Variants in THSD4 observed in about 807,000 individuals in gnomAD.
THSD4 encodes the protein thrombospondin type 1 domain containing 4, also known as thrombospondin type-1 domain-containing protein 4.
A neutral mutation model predicts 119.0 loss-of-function variants in THSD4; 69 were observed. That is an observed-to-expected ratio of 0.58 (90% confidence interval 0.48 to 0.71). The LOEUF is 0.71. THSD4 is among the 30% of genes least tolerant of loss of function. THSD4 has a pLI of 0.00. For synonymous variants in THSD4, 524 were observed against 540.4 expected, an observed-to-expected ratio of 0.97 and a Z score of 0.42; for missense variants, 1,393 against 1,391.1, an observed-to-expected ratio of 1.00 and a Z score of -0.02.
intron 5 of THSD4, among the ~76,000 whole-genome samples, chr15:71,247,975 T>A (rs1012136022): frequency 6.6e-6 from 1 of 152,132 alleles, no homozygotes; most frequent in Non-Finnish European, 1.5e-5. Context: ...CAACAACCCT[T>A]TTCTGGCCAG....
chr15:71,282,135 G>A (rs2044660145), intron 6 of THSD4, among the ~76,000 whole-genome samples: 1 of 152,168 alleles, frequency 6.6e-6, no homozygotes, highest in Non-Finnish European at 1.5e-5. Flanking sequence ...CCAAAGATGA[G>A]GTCAGCTAAC....
At chr15:71,685,368 A>G (rs974573546) in intron 8 of THSD4, among the ~76,000 whole-genome samples, 1 of 152,112 alleles carries the variant, frequency 6.6e-6, no homozygotes, top group Non-Finnish European at 1.5e-5. Flanking sequence ...TTTATTCGTT[A>G]ATATTTACAG....
intron 7 of THSD4, among the ~76,000 whole-genome samples, chr15:71,584,206 A>G (rs1377942111): frequency 7.5e-5 from 11 of 146,186 alleles, no homozygotes; most frequent in Admixed American, 7.5e-4. Context: ...TATTTTAAGT[A>G]TAGTCACCTC....
chr15:71,687,861 G>A (rs934594739), intron 8 of THSD4, among the ~76,000 whole-genome samples: 7 of 151,762 alleles, frequency 4.6e-5, no homozygotes, highest in Non-Finnish European at 1.0e-4. Flanking sequence ...CTAATGCAAA[G>A]TATGCCAATA....
chr15:71,128,318 G>C (rs2040472479), intron 1 of THSD4, among the ~76,000 whole-genome samples: 2 of 152,052 alleles, frequency 1.3e-5, no homozygotes, highest in Non-Finnish European at 2.9e-5. Context: ...CCTGAGGTCA[G>C]GAGTTTGAGA....
intron 6 of THSD4, among the ~76,000 whole-genome samples, chr15:71,266,431 G>A (rs1261619909): frequency 1.3e-5 from 2 of 152,018 alleles, no homozygotes; most frequent in Non-Finnish European, 2.9e-5. Flanking sequence ...CAAAAAGGAC[G>A]TCCACGCAAA....
intron 7 of THSD4, among the ~76,000 whole-genome samples, chr15:71,492,472 G>A (rs913529612): frequency 6.6e-6 from 1 of 151,846 alleles, no homozygotes; most frequent in Non-Finnish European, 1.5e-5. Context: ...TTTAATAGAG[G>A]GGGGGAGTTT....
chr15:71,442,554 G>T (rs2047112615), intron 7 of THSD4, among the ~76,000 whole-genome samples: 2 of 94,632 alleles, frequency 2.1e-5, no homozygotes, highest in African/African-American at 4.1e-5. Context: ...GGGCAACAGA[G>T]CAAAACTCCA....
intron 7 of THSD4, among the ~76,000 whole-genome samples, chr15:71,436,393 A>T (rs1205000364): frequency 6.6e-6 from 1 of 152,260 alleles, no homozygotes; most frequent in Non-Finnish European, 1.5e-5. Flanking sequence ...AATGCTAGTC[A>T]AACAAGTGCT....
chr15:71,632,220 A>AAAATCTGAC (rs2050644989), intron 7 of THSD4, among the ~76,000 whole-genome samples: 1 of 152,120 alleles, frequency 6.6e-6, no homozygotes, highest in African/African-American at 2.4e-5. Flanking sequence ...ATGTATTTTG[A>AAAATCTGAC]AAATCTGACC....
At chr15:71,735,228 C>A (rs932733964) in intron 10 of THSD4, among the ~76,000 whole-genome samples, 1 of 152,148 alleles carries the variant, frequency 6.6e-6, no homozygotes, top group Admixed American at 6.5e-5. Flanking sequence ...CGGGAGCAGC[C>A]TCATGGGGCC....
rs2053691745 is a variant in THSD4 at position 71,765,060 on chromosome 15, T to G, written c.2630T>G (p.Val877Gly). 6.2e-7 allele frequency: 1 copy of G among 1,613,718 alleles called. No individual in the cohort carries two copies. Among genetic ancestry groups the G allele is most frequent in the South Asian group, 1.1e-5 (1 of 91,066 alleles). ...GGGAGCGGGACGCAACAGAGGGAGG[T>G]GATTTGTGTTAGAAAGAATGCAGAC... ...ECGSGTQQRE[V>G]ICVRKNADTF... The change falls in exon 16 of 18, where the codon GTG becomes GGG. Residue 877 changes from valine to glycine, a missense_variant. Coordinates refer to ENST00000261862, the MANE Select transcript of THSD4 (RefSeq NM_024817.3).
At chr15:71,594,994 C>T (rs1252614062) in intron 7 of THSD4, among the ~76,000 whole-genome samples, 1 of 152,056 alleles carries the variant, frequency 6.6e-6, no homozygotes, top group Non-Finnish European at 1.5e-5. Context: ...GGGGGTCAGT[C>T]AATCCCAGTG....
intron 6 of THSD4, among the ~76,000 whole-genome samples, chr15:71,263,346 T>TATATATATATAC (rs937302953): frequency 3.3e-5 from 5 of 150,764 alleles, no homozygotes; most frequent in African/African-American, 7.3e-5. Flanking sequence ...TATATATATA[T>TATATATATATAC]ACGACATTTT....
At chr15:71,322,183 A>T (rs1337356485) in intron 6 of THSD4, among the ~76,000 whole-genome samples, 1 of 152,130 alleles carries the variant, frequency 6.6e-6, no homozygotes, top group African/African-American at 2.4e-5. Flanking sequence ...TGAGGAAATG[A>T]CCCCTTGGTC....
In THSD4 at chr15:71,759,155, CA is replaced by C. The variant is rs577193048; in HGVS notation, c.2589+1083del. On this transcript the variant is annotated intron_variant, in intron 15 of 17. Transcript: ENST00000261862. ...GTGAGAAATAGAATGTGAAAATATT[CA>C]AACCCTATCATCTCTGCCACTTCAA... Among the ~76,000 whole-genome samples, 99 of 152,294 alleles carry C rather than the reference CA, an allele frequency of 6.5e-4. 1 individual carries two copies. The highest frequency in any genetic ancestry group is 2.3e-3 in the African/African-American group (97 of 41,564).
chr15:71,120,466 C>G lies in THSD4; in HGVS notation c.-80+4768C>G, dbSNP rs2040400069. 2.0e-5 allele frequency among the ~76,000 whole-genome samples: 3 copies of G among 152,308 alleles called. No individual in the cohort carries two copies. In the South Asian group the frequency reaches 6.2e-4, roughly 32 times the overall value. On this transcript the variant is annotated intron_variant, in intron 1 of 17. Transcript: ENST00000261862. ...GCATTGGCGCCCATTAGCCCTGCTT[C>G]TCTAGGGCGTGGTCCGAGGGCAGTG...
intron 6 of THSD4, among the ~76,000 whole-genome samples, chr15:71,391,804 C>CTTCCT (rs2046382961): frequency 6.6e-6 from 1 of 152,164 alleles, no homozygotes; most frequent in African/African-American, 2.4e-5. Flanking sequence ...ACACAAGAGA[C>CTTCCT]TCTCACAAGA....
chr15:71,303,159 T>G (rs1311682229), intron 6 of THSD4, among the ~76,000 whole-genome samples: 1 of 151,888 alleles, frequency 6.6e-6, no homozygotes, highest in Non-Finnish European at 1.5e-5. Context: ...AAACTGTGTT[T>G]ATACAAACTC....
Sources: allele counts gnomAD v4.1 joint callset (sites outside exome capture counted in the v4.1 genomes callset), GRCh38; gene constraint gnomAD v4.1.1; transcripts MANE v1.5; gene names NCBI Gene and HGNC (gene_info 2026-07-23, HGNC 2026-07-21).